Variants in MDGA2 observed in about 807,000 individuals in gnomAD.
MDGA2 encodes MAM domain containing glycosylphosphatidylinositol anchor 2, also known as MAM domain-containing glycosylphosphatidylinositol anchor protein 2.
In MDGA2, 40 loss-of-function variants were observed where a neutral mutation model predicts 117.8. That is an observed-to-expected ratio of 0.34 (90% CI 0.26 to 0.44). The LOEUF is 0.44. Ranked by LOEUF, MDGA2 falls within the 20% of genes least tolerant of loss-of-function variation. The pLI is 1.00. For missense variants in MDGA2, 1,123 were observed against 1,250.6 expected (o/e 0.90, Z 1.54); for synonymous variants, 452 against 439.0 (o/e 1.03, Z -0.37).
chr14:47,405,965 T>C (rs1892251984), intron 1 of MDGA2, among the ~76,000 whole-genome samples: 1 of 152,158 alleles, frequency 6.6e-6, no homozygotes, highest in African/African-American at 2.4e-5. Flanking sequence ...TTTAAGCTTT[T>C]CAATCATTTT....
intron 10 of MDGA2, among the ~76,000 whole-genome samples, chr14:46,891,648 T>C (rs966144447): frequency 6.6e-6 from 1 of 151,616 alleles, no homozygotes; most frequent in Non-Finnish European, 1.5e-5. Context: ...TGACATTTAA[T>C]GAATAGGACT....
At position 47,131,761 on chromosome 14, in the gene MDGA2, C is replaced by T. The variant is rs1410612094; in HGVS notation, c.878G>A (p.Cys293Tyr). 3 of 1,584,030 alleles carry T rather than the reference C, an allele frequency of 1.9e-6. No individual in the cohort carries two copies. Among genetic ancestry groups the T allele is most frequent in the South Asian group, 1.1e-5 (1 of 87,488 alleles). Residue 293 changes from cysteine (C) to tyrosine (Y), a missense_variant, in exon 5 of 17, where the codon TGT (cysteine) becomes TAT (tyrosine). Transcript: ENST00000399232. Reference protein sequence around the residue: ...YSCIASVRNVCNIPDKMVSFR... With the variant: ...YSCIASVRNVYNIPDKMVSFR... ...CGACACCATCTTATCAGGAATATTA[C>T]ATACATTCCTCACTGAAGCAATGCA...
At chr14:47,521,945 T>C (rs1894876337) in intron 1 of MDGA2, among the ~76,000 whole-genome samples, 2 of 152,112 alleles carry the variant, frequency 1.3e-5, no homozygotes, top group South Asian at 4.1e-4. Flanking sequence ...GTGCTGGGAT[T>C]ACAAACGTGA....
chr14:47,266,341 C>A (rs560744140), intron 2 of MDGA2, among the ~76,000 whole-genome samples: 1 of 152,250 alleles, frequency 6.6e-6, no homozygotes, highest in Non-Finnish European at 1.5e-5. Flanking sequence ...ATCACTAAAT[C>A]CCATAGGCTA....
intron 6 of MDGA2, 31 bp downstream of exon 6, chr14:47,096,823 C>G (rs1346069402): frequency 6.2e-7 from 1 of 1,605,528 alleles, no homozygotes; most frequent in Non-Finnish European, 8.5e-7. Context: ...ACCTAGGAAT[C>G]TACGTTGTAA....
chr14:46,890,775 G>A (rs982342157), intron 10 of MDGA2, among the ~76,000 whole-genome samples: 1 of 152,094 alleles, frequency 6.6e-6, no homozygotes, highest in East Asian at 1.9e-4. Flanking sequence ...TAAGCACAGA[G>A]AACAAGGTCT....
intron 3 of MDGA2, among the ~76,000 whole-genome samples, chr14:47,203,307 T>G (rs995026527): frequency 6.6e-6 from 1 of 151,850 alleles, no homozygotes; most frequent in African/African-American, 2.4e-5. Context: ...AGAAGGGGGA[T>G]GCTATTTGTC....
chr14:47,158,363 G>GTGTGTGTGT (rs1555358939), intron 3 of MDGA2, among the ~76,000 whole-genome samples: 84 of 146,782 alleles, frequency 5.7e-4, no homozygotes, highest in African/African-American at 7.8e-4. Flanking sequence ...CCCTGGGGTG[G>GTGTGTGTGT]GTGTGTGTGT....
At chr14:46,859,843 A>T (rs899341556) in intron 14 of MDGA2, among the ~76,000 whole-genome samples, 3 of 152,152 alleles carry the variant, frequency 2.0e-5, no homozygotes, top group African/African-American at 7.2e-5. Context: ...TTTACATATA[A>T]TGTAGTATAT....
At chr14:47,031,585 A>G (rs1888668032) in intron 8 of MDGA2, among the ~76,000 whole-genome samples, 1 of 152,164 alleles carries the variant, frequency 6.6e-6, no homozygotes, top group Non-Finnish European at 1.5e-5. Context: ...TAATAAAAAA[A>G]CAGCTGATAT....
At chr14:47,333,298 G>A (rs1040176171) in intron 1 of MDGA2, among the ~76,000 whole-genome samples, 2 of 151,594 alleles carry the variant, frequency 1.3e-5, no homozygotes, top group African/African-American at 2.4e-5. Context: ...CAGCCTCATC[G>A]ACCTCTGTCA....
chr14:47,469,719 G>A (rs1893681666), intron 1 of MDGA2, among the ~76,000 whole-genome samples: 2 of 152,054 alleles, frequency 1.3e-5, no homozygotes. Flanking sequence ...GATCCCTGAG[G>A]AATCGCCACA....
At chr14:46,965,675 T>G (rs1217703721) in intron 8 of MDGA2, among the ~76,000 whole-genome samples, 2 of 152,176 alleles carry the variant, frequency 1.3e-5, no homozygotes, top group South Asian at 2.1e-4. Context: ...GGACATTTCA[T>G]TCTTTGGAAT....
chr14:47,649,681 T>C (rs1897601464), intron 1 of MDGA2, among the ~76,000 whole-genome samples: 1 of 88,932 alleles, frequency 1.1e-5, no homozygotes, highest in Non-Finnish European at 2.3e-5. Flanking sequence ...TGAGGCTTCA[T>C]CTCAAAAACA....
chr14:46,969,110 T>C (rs1886156391), intron 8 of MDGA2, among the ~76,000 whole-genome samples: 1 of 152,190 alleles, frequency 6.6e-6, no homozygotes, highest in African/African-American at 2.4e-5. Flanking sequence ...TGGTATTCCA[T>C]GGTGTATATG....
intron 6 of MDGA2, among the ~76,000 whole-genome samples, chr14:47,095,275 G>A (rs1263890386): frequency 6.6e-6 from 1 of 151,838 alleles, no homozygotes; most frequent in African/African-American, 2.4e-5. Context: ...TAGTAATCAT[G>A]ACCTGACTTA....
intron 1 of MDGA2, among the ~76,000 whole-genome samples, chr14:47,535,716 C>A (rs1018708385): frequency 1.3e-5 from 2 of 152,160 alleles, no homozygotes; most frequent in East Asian, 3.8e-4. Flanking sequence ...TAGGTGCAGA[C>A]TGAAATTTTT....
rs535060392 is a variant in MDGA2, at chr14:46,994,059, T to C, written c.1820-36416A>G. On this transcript the variant is annotated intron_variant, in intron 8 of 16. Transcript: ENST00000399232. ...AGTTGACCTGAGTTCAACCACGGGGTAATCGATCAATCAATCATACCTATA... is the reference window on the plus strand; with the variant it reads ...AGTTGACCTGAGTTCAACCACGGGGCAATCGATCAATCAATCATACCTATA... 1.8e-3 allele frequency among the ~76,000 whole-genome samples: 271 copies of C among 152,156 alleles called. 1 individual carries two copies. Among genetic ancestry groups the C allele is most frequent in the Non-Finnish European group, 3.1e-3 (214 of 68,008 alleles).
intron 1 of MDGA2, among the ~76,000 whole-genome samples, chr14:47,374,658 T>C (rs1033398644): frequency 2.6e-5 from 4 of 152,070 alleles, no homozygotes; most frequent in Non-Finnish European, 4.4e-5. Flanking sequence ...GACAGATCAA[T>C]TTAGGAGTAT....
Sources: allele counts gnomAD v4.1 joint callset (sites outside exome capture counted in the v4.1 genomes callset), GRCh38; gene constraint gnomAD v4.1.1; transcripts MANE v1.5; gene names NCBI Gene and HGNC (gene_info 2026-07-23, HGNC 2026-07-21).